ZSCAN4: variants seen among roughly 807,000 people sequenced by gnomAD.
The protein encoded by ZSCAN4 is zinc finger and SCAN domain containing 4, also known as zinc finger and SCAN domain-containing protein 4.
A neutral mutation model predicts 18.3 loss-of-function variants in ZSCAN4; 18 were observed. The ratio of observed to expected loss-of-function variants is 0.98; its 90% CI spans 0.68 to 1.46. The LOEUF is 1.46. Among genes scored for constraint, ZSCAN4 ranks in the 40% most tolerant of loss-of-function variants. The pLI, the probability that ZSCAN4 is intolerant of heterozygous loss-of-function variation, is 0.00. For missense variants in ZSCAN4, 498 were observed against 511.4 expected, an observed-to-expected ratio of 0.97 and a Z score of 0.25; for synonymous variants, 193 against 180.3, an observed-to-expected ratio of 1.07 and a Z score of -0.57.
upstream of ZSCAN4, among the ~76,000 whole-genome samples, chr19:57,668,359 A>G (rs1600002168): frequency 3.9e-5 from 6 of 152,208 alleles, 1 homozygote; most frequent in South Asian, 1.2e-3. Context: ...TGTATGGAGT[A>G]TATGTGGATG....
chr19:57,673,406 G>A (rs1984082257), intron 2 of ZSCAN4, among the ~76,000 whole-genome samples: 1 of 152,156 alleles, frequency 6.6e-6, no homozygotes, highest in Non-Finnish European at 1.5e-5. Flanking sequence ...AGAGTGAGGA[G>A]CAGTCACTTG....
chr19:57,670,420 T>C (rs1023198710), exon 2 of ZSCAN4: 2 of 152,200 alleles, frequency 1.3e-5, no homozygotes, highest in African/African-American at 2.4e-5. Context: ...CAGACAAGTG[T>C]TATCCAATCA....
At chr19:57,669,667 C>T (rs915695046) in intron 1 of ZSCAN4, among the ~76,000 whole-genome samples, 3 of 150,384 alleles carry the variant, frequency 2.0e-5, no homozygotes, top group African/African-American at 7.3e-5. Context: ...CCTCGTGATC[C>T]GCCCACCTCG....
At chr19:57,655,504 G>C in the ZSCAN4 span, among the ~76,000 whole-genome samples, 1 of 152,148 alleles carries the variant, frequency 6.6e-6, no homozygotes, top group Non-Finnish European at 1.5e-5. Flanking sequence ...TGGCCACCCT[G>C]TTTAAGGATC....
the ZSCAN4 span, among the ~76,000 whole-genome samples, chr19:57,661,680 A>G: frequency 6.6e-6 from 1 of 152,234 alleles, no homozygotes; most frequent in South Asian, 2.1e-4. Context: ...ATTCTTTAAA[A>G]ATGCTATTGA....
chr19:57,662,239 A>G, the ZSCAN4 span, among the ~76,000 whole-genome samples: 1 of 152,156 alleles, frequency 6.6e-6, no homozygotes, highest in African/African-American at 2.4e-5. Context: ...AGCTACAATT[A>G]AAATAAGTCA....
chr19:57,661,698 G>T, the ZSCAN4 span, among the ~76,000 whole-genome samples: 1 of 152,206 alleles, frequency 6.6e-6, no homozygotes, highest in Non-Finnish European at 1.5e-5. Context: ...TGAGGTAAAA[G>T]TGAGTGATAA....
At chr19:57,671,862 G>A (rs960418286) in intron 2 of ZSCAN4, among the ~76,000 whole-genome samples, 3 of 152,142 alleles carry the variant, frequency 2.0e-5, no homozygotes, top group East Asian at 1.9e-4. Flanking sequence ...CACAAAGCAG[G>A]AAATAACATT....
chr19:57,675,061 T>C (rs1984137996), intron 2 of ZSCAN4, among the ~76,000 whole-genome samples: 1 of 151,082 alleles, frequency 6.6e-6, no homozygotes, highest in South Asian at 2.1e-4. Context: ...TTCAAGGGAT[T>C]CTCCTGCCTC....
chr19:57,678,397 G>T (rs760112751), exon 5 of ZSCAN4: 2 of 1,614,120 alleles, frequency 1.2e-6, no homozygotes, highest in Non-Finnish European at 1.7e-6. Flanking sequence ...ACTTTCCAAG[G>T]TGTCCCTATG....
intron 3 of ZSCAN4, 48 bp downstream of exon 3, chr19:57,676,589 G>A (rs376431807): frequency 1.8e-5 from 28 of 1,542,094 alleles, no homozygotes; most frequent in Admixed American, 1.0e-4. Context: ...AGGAAAGTAA[G>A]GAATAAATCA....
chr19:57,663,803 T>G, the ZSCAN4 span, among the ~76,000 whole-genome samples: 6 of 152,132 alleles, frequency 3.9e-5, no homozygotes, highest in East Asian at 1.2e-3. Context: ...TTGTTTAAAT[T>G]TTATTGAATT....
the ZSCAN4 span, among the ~76,000 whole-genome samples, chr19:57,654,676 C>A: frequency 6.0e-3 from 910 of 152,222 alleles, 7 homozygotes; most frequent in African/African-American, 0.021. Flanking sequence ...CCCCCAATCC[C>A]TACACTTTAC....
chr19:57,673,778 C>CA (rs1211256313), intron 2 of ZSCAN4, among the ~76,000 whole-genome samples: 1 of 151,870 alleles, frequency 6.6e-6, no homozygotes, highest in African/African-American at 2.4e-5. Flanking sequence ...ATTATTGAGA[C>CA]AGAGTTTCTG....
At chr19:57,675,149 T>C (rs1274821422) in intron 2 of ZSCAN4, among the ~76,000 whole-genome samples, 3 of 141,674 alleles carry the variant, frequency 2.1e-5, no homozygotes, top group African/African-American at 7.9e-5. Flanking sequence ...GGCTTTTTTT[T>C]TTTTTTTTTT....
the ZSCAN4 span, among the ~76,000 whole-genome samples, chr19:57,660,363 A>G: frequency 0.52 from 78,400 of 152,002 alleles, 20,736 homozygotes; most frequent in Middle Eastern, 0.6. Flanking sequence ...TGACAATGGT[A>G]AGCTCTTGGT....
At chr19:57,678,906 G>T in exon 5 of ZSCAN4, 1 of 1,582,528 alleles carries the variant, frequency 6.3e-7, no homozygotes, top group Non-Finnish European at 8.6e-7. Context: ...AGCTTCCTAA[G>T]CTGCTGGTCT....
At chr19:57,666,312 A>T (rs1185610324), upstream of ZSCAN4, among the ~76,000 whole-genome samples, 1 of 152,110 alleles carries the variant, frequency 6.6e-6, no homozygotes, top group African/African-American at 2.4e-5. Flanking sequence ...AGCATTGGAT[A>T]AGCTTCGCGT....
At chr19:57,669,619 GT>G (rs1465676484) in intron 1 of ZSCAN4, among the ~76,000 whole-genome samples, 2 of 151,262 alleles carry the variant, frequency 1.3e-5, no homozygotes, top group African/African-American at 2.4e-5. Context: ...TAGAGATGGG[GT>G]TTCACCATAT....
Sources: gnomAD v4.1 joint callset for allele counts (sites outside exome capture counted in the v4.1 genomes callset) on GRCh38, gnomAD v4.1.1 for gene constraint, MANE v1.5 for transcripts, NCBI Gene and HGNC (gene_info 2026-07-23, HGNC 2026-07-21) for gene names.